Variants in EIF4G3 observed in about 807,000 individuals in gnomAD.
EIF4G3 encodes eIF-4-gamma 3.
EIF4G3 carries 34 observed loss-of-function variants against 186.4 expected under a neutral mutation model. The ratio of observed to expected loss-of-function variants is 0.18; its 90% CI spans 0.14 to 0.24. The LOEUF is 0.24. EIF4G3 is among the 10% of genes least tolerant of loss of function. EIF4G3 has a pLI of 1.00. For missense variants in EIF4G3, 1,536 were observed against 1,948.5 expected (o/e 0.79, Z 3.99); for synonymous variants, 673 against 679.5 (o/e 0.99, Z 0.15).
intron 3 of EIF4G3, among the ~76,000 whole-genome samples, chr1:21,059,173 A>T (rs1382888487): frequency 1.3e-5 from 2 of 152,184 alleles, no homozygotes; most frequent in Non-Finnish European, 2.9e-5. Context: ...CTAAATCCCA[A>T]GATAAAGTTT....
chr1:20,854,701 T>C (rs2074364347), intron 26 of EIF4G3, among the ~76,000 whole-genome samples: 1 of 141,704 alleles, frequency 7.1e-6, no homozygotes, highest in Admixed American at 7.0e-5. Context: ...CGGGATCCCA[T>C]CTCAAAAATA....
At chr1:20,915,512 C>T (rs527573196) in intron 14 of EIF4G3, among the ~76,000 whole-genome samples, 5 of 149,580 alleles carry the variant, frequency 3.3e-5, no homozygotes, top group Non-Finnish European at 5.9e-5. Flanking sequence ...TTGAACAATA[C>T]AGAAAAAGAA....
At chr1:21,028,747 G>A (rs1006265808) in intron 4 of EIF4G3, among the ~76,000 whole-genome samples, 2 of 152,212 alleles carry the variant, frequency 1.3e-5, no homozygotes. Context: ...CTGTCGAGCT[G>A]TTGGTGACCA....
chr1:21,157,600 T>G (rs556267272), intron 2 of EIF4G3, among the ~76,000 whole-genome samples: 6 of 152,256 alleles, frequency 3.9e-5, no homozygotes, highest in African/African-American at 7.2e-5. Flanking sequence ...CCTCCCAAAG[T>G]GCTGGGATTA....
At chr1:20,993,297 C>T (rs2081523995) in intron 7 of EIF4G3, among the ~76,000 whole-genome samples, 1 of 152,148 alleles carries the variant, frequency 6.6e-6, no homozygotes, top group South Asian at 2.1e-4. Flanking sequence ...AAGGAATACA[C>T]TCAAAGCAGT....
At chr1:20,864,452 G>T (rs199721060) in intron 22 of EIF4G3, 24 bp downstream of exon 22, 389 of 1,583,396 alleles carry the variant, frequency 2.5e-4, no homozygotes, top group Middle Eastern at 1.5e-3. Flanking sequence ...CTTTGCGAAG[G>T]TTTCTGAGCT....
chr1:20,883,059 G>A lies in EIF4G3; in HGVS notation c.2424+3142C>T, dbSNP rs1374987327. On this transcript the variant is annotated intron_variant, in intron 19 of 36. Transcript: ENST00000602326. ...ACAGAGCCACTGAACTTTAACCTTG[G>A]TGACAGAGTGAAACCCTGTCTCAAA... Among the ~76,000 whole-genome samples, 8 of 151,112 alleles carry A rather than the reference G, an allele frequency of 5.3e-5. No individual in the cohort carries two copies. The East Asian group carries it at 7.7e-4, about 15-fold the overall frequency.
intron 13 of EIF4G3, among the ~76,000 whole-genome samples, chr1:20,947,288 G>A (rs1434682459): frequency 6.6e-6 from 1 of 151,798 alleles, no homozygotes; most frequent in Admixed American, 6.6e-5. Flanking sequence ...AGGCTGCAGT[G>A]AGCCATGATC....
In EIF4G3 at chr1:21,136,527, C is replaced by A. The variant is rs567636520; in HGVS notation, c.-272+39648G>T. Among the ~76,000 whole-genome samples the A allele has an allele frequency of 7.5e-4, 114 of 151,338 alleles. 1 individual carries two copies. Among genetic ancestry groups the A allele is most frequent in the African/African-American group, 2.7e-3 (112 of 41,312 alleles). On this transcript the variant is annotated intron_variant, in intron 2 of 36. Coordinates refer to ENST00000602326, the MANE Select transcript of EIF4G3 (RefSeq NM_001391906.1). ...GCGAGACTCCGTATCAAAAAAAAAA[C>A]AAAAACAAACAAACAAAAAACCATA...
At chr1:21,161,730 G>A (rs925971004) in intron 2 of EIF4G3, 1 of 152,294 alleles carries the variant, frequency 6.6e-6, no homozygotes, top group African/African-American at 2.4e-5. Context: ...CATTTTGGGA[G>A]GCCGAGGCGG....
intron 22 of EIF4G3, among the ~76,000 whole-genome samples, chr1:20,863,408 T>G (rs1038977089): frequency 2.4e-4 from 29 of 121,922 alleles, no homozygotes; most frequent in East Asian, 5.1e-4. Flanking sequence ...AAAAATTGGG[T>G]GACAGGGCAA....
In EIF4G3 at chr1:21,101,563, A is replaced by AAAAAAAAAAAAAAC. The variant is rs1553241682; in HGVS notation, c.-271-12351_-271-12350insGTTTTTTTTTTTTT. Among the ~76,000 whole-genome samples the AAAAAAAAAAAAAAC allele has an allele frequency of 1.9e-4, 4 of 20,872 alleles. No individual in the cohort carries two copies. In the Admixed American group the frequency reaches 2.1e-3, roughly 11 times the overall value. The allele number at this position is 20,872 out of a possible 152,430, so 13.7% of individuals were successfully genotyped here. On this transcript the variant is annotated intron_variant, in intron 2 of 36. Coordinates refer to ENST00000602326, the MANE Select transcript of EIF4G3 (RefSeq NM_001391906.1). ...CTAGCCTGGGCAACAGGGTCTCAGG[A>AAAAAAAAAAAAAAC]AAAAAAAAAAAACAACAAAAAAAAA... is the stretch of plus-strand genomic sequence containing the variant.
chr1:21,143,348 GA>G (rs1375950952), intron 2 of EIF4G3, among the ~76,000 whole-genome samples: 1 of 150,278 alleles, frequency 6.7e-6, no homozygotes, highest in Admixed American at 6.7e-5. Context: ...AGAAGGAGAA[GA>G]AGGAGAAAGA....
At chr1:20,902,529 C>G (rs2090692133) in intron 15 of EIF4G3, among the ~76,000 whole-genome samples, 1 of 152,160 alleles carries the variant, frequency 6.6e-6, no homozygotes. Flanking sequence ...ATTTACTACA[C>G]TATGCCAACA....
intron 2 of EIF4G3, 113 bp downstream of exon 2, chr1:21,176,062 G>C (rs1213003148): frequency 7.8e-6 from 2 of 256,254 alleles, no homozygotes; most frequent in Non-Finnish European, 1.5e-5. Context: ...TTGAGCCGCT[G>C]TCCCTTTCCT....
intron 2 of EIF4G3, among the ~76,000 whole-genome samples, chr1:21,107,983 A>C (rs1218200986): frequency 6.6e-6 from 1 of 152,242 alleles, no homozygotes; most frequent in Non-Finnish European, 1.5e-5. Flanking sequence ...ACTCATCTCT[A>C]CAAATAATAA....
intron 4 of EIF4G3, among the ~76,000 whole-genome samples, chr1:21,024,233 C>G (rs987673201): frequency 4.0e-5 from 6 of 151,062 alleles, no homozygotes; most frequent in Admixed American, 3.3e-4. Context: ...TTCAGCCCCC[C>G]GCCCGGCCAG....
At chr1:20,936,033 C>T (rs1171059335) in intron 14 of EIF4G3, among the ~76,000 whole-genome samples, 1 of 152,168 alleles carries the variant, frequency 6.6e-6, no homozygotes, top group Non-Finnish European at 1.5e-5. Flanking sequence ...TGATGAAAGA[C>T]ATGAACTACT....
chr1:21,020,072 T>C (rs2090303390), intron 4 of EIF4G3, among the ~76,000 whole-genome samples: 1 of 152,196 alleles, frequency 6.6e-6, no homozygotes, highest in South Asian at 2.1e-4. Context: ...CTTCTTCAAA[T>C]CTAACATCAT....
Sources: allele counts gnomAD v4.1 joint callset (sites outside exome capture counted in the v4.1 genomes callset), GRCh38; gene constraint gnomAD v4.1.1; transcripts MANE v1.5; gene names NCBI Gene and HGNC (gene_info 2026-07-23, HGNC 2026-07-21).